The following STX8 variants were observed in gnomAD, a reference collection of about 807,000 sequenced individuals.
The protein encoded by STX8 is syntaxin-8.
Under a neutral mutation model 37.5 loss-of-function variants are expected in STX8, and 23 were observed. The ratio of observed to expected loss-of-function variants is 0.61; its 90% confidence interval spans 0.44 to 0.87. The LOEUF (loss-of-function observed/expected upper bound fraction) is 0.87, where lower values mean the gene tolerates loss of function less well. Ranked by LOEUF, STX8 falls within the 40% of genes least tolerant of loss-of-function variation. STX8 has a pLI of 0.00. For missense variants in STX8, 313 were observed against 284.7 expected (o/e 1.10, Z -0.71); for synonymous variants, 115 against 99.1 (o/e 1.16, Z -0.95).
intron 7 of STX8, among the ~76,000 whole-genome samples, chr17:9,339,778 CAGACA>C (rs1285208883): frequency 6.6e-6 from 1 of 152,138 alleles, no homozygotes; most frequent in Non-Finnish European, 1.5e-5. Context: ...ATATATAAGA[CAGACA>C]AGACTGGAAT....
At chr17:9,420,238 G>A (rs957598387) in intron 6 of STX8, among the ~76,000 whole-genome samples, 2 of 152,198 alleles carry the variant, frequency 1.3e-5, no homozygotes, top group East Asian at 3.8e-4. Context: ...AACATCGGCC[G>A]CCAGGGACTC....
rs556775156 is a variant in STX8, at chr17:9,365,068, A to T, written c.643+13484T>A. On this transcript the variant is annotated intron_variant, in intron 7 of 7. Coordinates refer to ENST00000306357, the MANE Select transcript of STX8 (RefSeq NM_004853.3). ...GTAATGAAGAGAAAAGAGAGTTCAG[A>T]GTTAGAACAAACAGGCCTGGCGTCT... Among the ~76,000 whole-genome samples the T allele has an allele frequency of 2.5e-4, 38 of 152,326 alleles. 1 individual carries two copies. Among genetic ancestry groups the T allele is most frequent in the Admixed American group, 9.8e-4 (15 of 15,304 alleles).
chr17:9,425,769 A>G (rs1021701642), intron 6 of STX8, among the ~76,000 whole-genome samples: 1 of 152,190 alleles, frequency 6.6e-6, no homozygotes. Context: ...CACGGACGAC[A>G]ATCTGAAATA....
chr17:9,253,547 C>G (rs1309550990), intron 7 of STX8, among the ~76,000 whole-genome samples: 2 of 152,060 alleles, frequency 1.3e-5, no homozygotes, highest in East Asian at 3.9e-4. Context: ...GAGGCAGGCA[C>G]AGGCTGGGAT....
At chr17:9,504,488 T>C (rs2315143) in intron 5 of STX8, among the ~76,000 whole-genome samples, 146,836 of 152,200 alleles carry the variant, frequency 0.96, 71,027 homozygotes, top group East Asian at 1. Context: ...GCATCAAATT[T>C]GCTTGGACTT....
chr17:9,379,316 A>G (rs1399076748), intron 6 of STX8, among the ~76,000 whole-genome samples: 2 of 152,058 alleles, frequency 1.3e-5, no homozygotes, highest in African/African-American at 4.8e-5. Flanking sequence ...TCTTGAGAAA[A>G]CTACATGATG....
intron 6 of STX8, among the ~76,000 whole-genome samples, chr17:9,448,826 CTAATT>C (rs1567565511): frequency 6.6e-6 from 1 of 152,042 alleles, no homozygotes; most frequent in Non-Finnish European, 1.5e-5. Context: ...AGGACTGACT[CTAATT>C]ATTTTCAGAA....
chr17:9,438,717 A>C (rs964957196), intron 6 of STX8, among the ~76,000 whole-genome samples: 22 of 151,964 alleles, frequency 1.4e-4, no homozygotes, highest in African/African-American at 5.1e-4. Flanking sequence ...TCACAAGGTC[A>C]GGAGATCGAG....
At chr17:9,561,074 T>G (rs1283052308) in intron 2 of STX8, among the ~76,000 whole-genome samples, 1 of 152,002 alleles carries the variant, frequency 6.6e-6, no homozygotes, top group East Asian at 1.9e-4. Flanking sequence ...ACCAAGTATT[T>G]CAAAGATTTA....
At chr17:9,303,768 T>C (rs548289554) in intron 7 of STX8, among the ~76,000 whole-genome samples, 174 of 152,216 alleles carry the variant, frequency 1.1e-3, no homozygotes, top group African/African-American at 4.1e-3. Context: ...TGTAAAAACA[T>C]ACACTTCACA....
intron 7 of STX8, among the ~76,000 whole-genome samples, chr17:9,266,120 T>C (rs1290533372): frequency 6.6e-6 from 1 of 152,096 alleles, no homozygotes; most frequent in African/African-American, 2.4e-5. Flanking sequence ...TAATAAGATG[T>C]AGGCTTAGAA....
At chr17:9,462,016 A>G (rs1337850995) in intron 6 of STX8, among the ~76,000 whole-genome samples, 1 of 152,118 alleles carries the variant, frequency 6.6e-6, no homozygotes, top group Non-Finnish European at 1.5e-5. Context: ...TAATGCAAGC[A>G]ATGGGGAGGG....
intron 6 of STX8, among the ~76,000 whole-genome samples, chr17:9,487,482 C>T (rs1443025238): frequency 6.6e-6 from 1 of 152,126 alleles, no homozygotes; most frequent in African/African-American, 2.4e-5. Context: ...TGATGATGGT[C>T]TTGGCAGGGA....
intron 7 of STX8, among the ~76,000 whole-genome samples, chr17:9,287,674 T>C (rs925128148): frequency 6.6e-6 from 1 of 152,206 alleles, no homozygotes; most frequent in Non-Finnish European, 1.5e-5. Flanking sequence ...GGTCCTCCCC[T>C]GCCTGATAAT....
chr17:9,459,979 C>T (rs764732075), intron 6 of STX8, among the ~76,000 whole-genome samples: 2 of 152,150 alleles, frequency 1.3e-5, no homozygotes, highest in Non-Finnish European at 2.9e-5. Context: ...AGGCAGCTGG[C>T]AAGACAGAAA....
At chr17:9,526,817 C>T (rs1163479059) in intron 4 of STX8, among the ~76,000 whole-genome samples, 2 of 151,512 alleles carry the variant, frequency 1.3e-5, no homozygotes, top group Non-Finnish European at 2.9e-5. Flanking sequence ...GAGCTGACAT[C>T]ACGCCATTGT....
intron 4 of STX8, among the ~76,000 whole-genome samples, chr17:9,538,913 G>A (rs945747859): frequency 6.6e-6 from 1 of 151,808 alleles, no homozygotes; most frequent in Non-Finnish European, 1.5e-5. Context: ...GTGAGATTTA[G>A]CAATGCTCTC....
intron 6 of STX8, among the ~76,000 whole-genome samples, chr17:9,407,636 T>C (rs896873415): frequency 2.0e-5 from 3 of 150,644 alleles, no homozygotes; most frequent in Non-Finnish European, 2.9e-5. Context: ...AAGAAATACA[T>C]TGGTTTGGTC....
chr17:9,498,814 A>C (rs770679646), intron 5 of STX8, among the ~76,000 whole-genome samples: 7 of 152,214 alleles, frequency 4.6e-5, no homozygotes, highest in Non-Finnish European at 8.8e-5. Context: ...CTCCTGGGTG[A>C]AGGTGGAATG....
Sources: gnomAD v4.1 joint callset for allele counts (sites outside exome capture counted in the v4.1 genomes callset) on GRCh38, gnomAD v4.1.1 for gene constraint, MANE v1.5 for transcripts, NCBI Gene and HGNC (gene_info 2026-07-23, HGNC 2026-07-21) for gene names.